The following CCT6A variants were observed in gnomAD, a reference collection of about 807,000 sequenced individuals.
CCT6A encodes T-complex protein 1 subunit zeta.
Under a neutral mutation model 58.6 loss-of-function variants are expected in CCT6A, and 6 were observed. That is an observed-to-expected ratio of 0.10 (90% confidence interval 0.06 to 0.20). The LOEUF (loss-of-function observed/expected upper bound fraction) is 0.20. Among genes scored for constraint, CCT6A ranks in the 10% least tolerant of loss-of-function variants. The probability of loss-of-function intolerance (pLI) is 1.00; values close to 1 mark genes in which losing one functional copy is unlikely to be tolerated. For missense variants in CCT6A, 516 were observed against 648.8 expected, an observed-to-expected ratio of 0.80 and a Z score of 2.22; for synonymous variants, 245 against 227.8, an observed-to-expected ratio of 1.08 and a Z score of -0.68.
chr7:56,054,606 G>C, intron 3 of CCT6A, 103 bp downstream of exon 3: 10 of 1,107,404 alleles, frequency 9.0e-6, no homozygotes, highest in Non-Finnish European at 1.3e-5. Context: ...TCATACAGTA[G>C]AATTAGGGGG....
chr7:56,058,795 A>G, intron 8 of CCT6A, 93 bp downstream of exon 8: 1 of 758,690 alleles, frequency 1.3e-6, no homozygotes, highest in Non-Finnish European at 2.3e-6. Context: ...TCAACTGTAT[A>G]GTTAATTGGC....
At chr7:56,057,831 A>G (rs940941950) in intron 5 of CCT6A, among the ~76,000 whole-genome samples, 162 bp from the exon 6 acceptor site, 2 of 152,208 alleles carry the variant, frequency 1.3e-5, no homozygotes, top group Non-Finnish European at 2.9e-5. Context: ...CGGTGAGCCA[A>G]GATGGCACCA....
chr7:56,051,822 G>T lies in CCT6A; in HGVS notation c.-27G>T, dbSNP rs563602633. The T allele has an allele frequency of 1.0e-5, 16 of 1,549,016 alleles. No individual in the cohort carries two copies. In the East Asian group the frequency reaches 3.2e-4, roughly 31 times the overall value. Reference sequence around the variant, plus strand: ...GCGCCGGCTCTGGGCACTCAGCATCGTTTCCTTTTCCTCCGCTGGAGCAGC... The same window carrying T: ...GCGCCGGCTCTGGGCACTCAGCATCTTTTCCTTTTCCTCCGCTGGAGCAGC... On this transcript the variant is annotated 5_prime_UTR_variant, in exon 1 of 14. Transcript: ENST00000275603.
intron 10 of CCT6A, 165 bp from the exon 11 acceptor site, chr7:56,060,642 T>C (rs749544451): frequency 1.2e-4 from 116 of 997,940 alleles, no homozygotes; most frequent in Non-Finnish European, 1.6e-4. Context: ...TGCCAGTGGC[T>C]AGTGAAGCCA....
Position 56,060,950 on chromosome 7 carries a change from C to T in CCT6A, c.1347+10C>T. On this transcript the variant is annotated intron_variant, in intron 11 of 13. Transcript: ENST00000275603. ...GCTCATTATTCCCAAGGTGTGCATGCTTTTAACAGTCAATCTTCCAAAAGA... is the reference window on the plus strand; with the variant it reads ...GCTCATTATTCCCAAGGTGTGCATGTTTTTAACAGTCAATCTTCCAAAAGA... 6.3e-7 allele frequency: 1 copy of T among 1,587,210 alleles called. No homozygotes were observed. The highest frequency in any genetic ancestry group is 8.5e-7 in the Non-Finnish European group (1 of 1,170,588).
chr7:56,056,955 C>T (rs1794322681), intron 5 of CCT6A, among the ~76,000 whole-genome samples: 1 of 151,826 alleles, frequency 6.6e-6, no homozygotes, highest in Non-Finnish European at 1.5e-5. Context: ...CGCCACCATG[C>T]CCGGATAATT....
intron 4 of CCT6A, among the ~76,000 whole-genome samples, 175 bp from the exon 5 acceptor site, chr7:56,056,136 A>T (rs1794298298): frequency 6.6e-6 from 1 of 152,224 alleles, no homozygotes; most frequent in South Asian, 2.1e-4. Context: ...GATTTCAGAA[A>T]TGTAAATGAC....
At position 56,059,832 on chromosome 7, in the gene CCT6A, A is replaced by T. The variant is rs1477245942; in HGVS notation, c.1065+192A>T. The stretch of plus-strand genomic sequence containing the variant: ...GGCTTCTGAGCAGGTGGGACCACAG[A>T]CGTGTGTGCTACCATGACTGGCTAA... On this transcript the variant is annotated intron_variant, in intron 9 of 13. Transcript: ENST00000275603. The T allele has an allele frequency of 9.6e-6, 5 of 518,596 alleles. No homozygotes were observed. The East Asian group carries it at 9.8e-5, about 10-fold the overall frequency. 32.1% of individuals were successfully genotyped at this position (518,596 alleles called of 1,614,324 possible).
At chr7:56,058,543 ATAAAC>A (rs1794363765) in intron 7 of CCT6A, 22 bp downstream of exon 7, 1 of 1,578,158 alleles carries the variant, frequency 6.3e-7, no homozygotes, top group Non-Finnish European at 8.6e-7. Context: ...AACTCAATGT[ATAAAC>A]TAAATAGTAC....
intron 12 of CCT6A, 176 bp from the exon 13 acceptor site, chr7:56,062,507 C>A: frequency 3.1e-6 from 2 of 641,100 alleles, no homozygotes; most frequent in Non-Finnish European, 5.6e-6. Flanking sequence ...GTCAGACATT[C>A]ATCAAATATT....
rs541470569 is a variant in CCT6A at position 56,062,862 on chromosome 7, A to G, written c.1523+107A>G. 5.1e-6 allele frequency: 6 copies of G among 1,172,584 alleles called. 1 individual carries two copies. The highest frequency in any genetic ancestry group is 4.9e-5 in the South Asian group (4 of 82,062). The allele number at this position is 1,172,584 out of a possible 1,614,324, so 72.6% of individuals were successfully genotyped here. On this transcript the variant is annotated intron_variant, in intron 13 of 13. Transcript: ENST00000275603. ...CCCCATGAATAATGTGATCAGCTGG[A>G]AGTATGGAAACTGAACTAGCCCTCT...
At chr7:56,056,239 T>C (rs886288205) in intron 4 of CCT6A, 72 bp from the exon 5 acceptor site, 1 of 824,694 alleles carries the variant, frequency 1.2e-6, no homozygotes, top group Admixed American at 1.8e-5. Context: ...CTGCCTACTT[T>C]AGCCTTCTGA....
At chr7:56,052,541 C>G (rs998891286) in intron 2 of CCT6A, 56 bp downstream of exon 2, 8 of 1,437,080 alleles carry the variant, frequency 5.6e-6, no homozygotes, top group Admixed American at 1.7e-5. Context: ...AGAATGTTTT[C>G]TTTGTAGAAA....
At position 56,051,807 on chromosome 7, in the gene CCT6A, T is replaced by C. The variant is rs1218901952; in HGVS notation, c.-42T>C. 4 of 1,543,280 alleles carry C rather than the reference T, an allele frequency of 2.6e-6. No homozygotes were observed. The African/African-American group carries it at 4.2e-5, about 16-fold the overall frequency. On this transcript the variant is annotated 5_prime_UTR_variant, in exon 1 of 14. Coordinates refer to ENST00000275603, the MANE Select transcript of CCT6A (RefSeq NM_001762.4). ...CCTCCCGGCCACGCCGCGCCGGCTC[T>C]GGGCACTCAGCATCGTTTCCTTTTC...
intron 3 of CCT6A, among the ~76,000 whole-genome samples, chr7:56,055,119 C>A (rs1453455714): frequency 2.0e-5 from 3 of 151,744 alleles, no homozygotes; most frequent in Admixed American, 2.0e-4. Flanking sequence ...ACTAAAAATA[C>A]AAAAATTAGC....
rs1172693384 is a variant in CCT6A at position 56,051,871 on chromosome 7, A to C, written c.23A>C (p.Asn8Thr). ...GCTATGGCGGCGGTGAAGACCCTGA[A>C]CCCCAAGGCCGAGGTGGCCCGAGCG... MAAVKTLNPKAEVARAQA... is the reference protein window; with the variant it reads MAAVKTLTPKAEVARAQA... The change falls in exon 1 of 14, where the codon AAC becomes ACC. Residue 8 changes from asparagine (N) to threonine (T), a missense_variant. Physicochemically the swap from Asn to Thr is moderately conservative, Grantham distance 65. Coordinates refer to ENST00000275603, the MANE Select transcript of CCT6A (RefSeq NM_001762.4). 3 of 1,561,018 alleles carry C rather than the reference A, an allele frequency of 1.9e-6. No homozygotes were observed. The South Asian group carries it at 3.5e-5, about 18-fold the overall frequency.
At chr7:56,059,171 G>A (rs2117344502) in intron 8 of CCT6A, among the ~76,000 whole-genome samples, 1 of 151,858 alleles carries the variant, frequency 6.6e-6, no homozygotes, top group East Asian at 1.9e-4. Context: ...GAATTGCTTT[G>A]TGTTTTTTTA....
chr7:56,057,205 T>C (rs1030453464), intron 5 of CCT6A, among the ~76,000 whole-genome samples: 8 of 152,356 alleles, frequency 5.3e-5, no homozygotes, highest in Non-Finnish European at 5.9e-5. Context: ...GTGAATGTTA[T>C]GTTTATGGTT....
chr7:56,052,283 C>T (rs1794132048), intron 1 of CCT6A, 139 bp from the exon 2 acceptor site: 1 of 767,980 alleles, frequency 1.3e-6, no homozygotes, highest in Non-Finnish European at 2.2e-6. Flanking sequence ...GTGGGCACTA[C>T]ACCTGTCCTC....
Sources: allele counts gnomAD v4.1 joint callset (sites outside exome capture counted in the v4.1 genomes callset), GRCh38; gene constraint gnomAD v4.1.1; transcripts MANE v1.5; gene names NCBI Gene and HGNC (gene_info 2026-07-23, HGNC 2026-07-21).